SLC39A9: variants seen among roughly 807,000 people sequenced by gnomAD.
SLC39A9 encodes the protein solute carrier family 39 member 9.
Under a neutral mutation model 28.4 loss-of-function variants are expected in SLC39A9, and 14 were observed. That is an observed-to-expected ratio of 0.49 (90% CI 0.33 to 0.77). The LOEUF is 0.77. Among genes scored for constraint, SLC39A9 ranks in the 30% least tolerant of loss-of-function variants. The probability of loss-of-function intolerance (pLI) is 0.02; values close to 1 mark genes in which losing one functional copy is unlikely to be tolerated. For synonymous variants in SLC39A9, 119 were observed against 149.6 expected, an observed-to-expected ratio of 0.80 and a Z score of 1.49; for missense variants, 283 against 381.1, an observed-to-expected ratio of 0.74 and a Z score of 2.14.
Position 69,459,154 on chromosome 14 carries a change from A to G in SLC39A9, c.*561A>G, listed in dbSNP as rs927228481. On this transcript the variant is annotated 3_prime_UTR_variant, in exon 7 of 7. Transcript: ENST00000336643. ...GGATTAGGGTCAGGAAAATGATAGC[A>G]AGACACATTGAAAGCTCTCTTTATA... is the stretch of plus-strand genomic sequence containing the variant. The G allele has an allele frequency of 3.0e-6, 3 of 985,934 alleles. No individual in the cohort carries two copies. Among genetic ancestry groups the G allele is most frequent in the South Asian group, 4.7e-5 (1 of 21,300 alleles). The allele number at this position is 985,934 out of a possible 1,614,324, so 61.1% of individuals were successfully genotyped here.
rs373609711 is a variant in SLC39A9 at position 69,437,590 on chromosome 14, G to T, written c.206-4479G>T. On this transcript the variant is annotated intron_variant, in intron 2 of 6. Coordinates refer to ENST00000336643, the MANE Select transcript of SLC39A9 (RefSeq NM_018375.5). ...ATACCTCTGTTAAAGAAGTTTTTTT[G>T]TTTGTTTTTTTTTTTTTGAGACGGA... Among the ~76,000 whole-genome samples the T allele has an allele frequency of 3.0e-3, 440 of 146,806 alleles. 3 individuals are homozygous for T. The highest frequency in any genetic ancestry group is 0.01 in the African/African-American group (419 of 40,762).
intron 1 of SLC39A9, among the ~76,000 whole-genome samples, chr14:69,419,050 T>C (rs929713417): frequency 6.6e-6 from 1 of 152,222 alleles, no homozygotes; most frequent in Admixed American, 6.5e-5. Context: ...CTGCTAGCTT[T>C]TGAATGTGTT....
chr14:69,421,333 C>T (rs1251710016), intron 1 of SLC39A9, among the ~76,000 whole-genome samples: 1 of 152,180 alleles, frequency 6.6e-6, no homozygotes, highest in Non-Finnish European at 1.5e-5. Context: ...GCAGAGGCTG[C>T]AGAACAGCAA....
At chr14:69,457,440 A>G (rs2139459772) in intron 6 of SLC39A9, among the ~76,000 whole-genome samples, 1 of 152,126 alleles carries the variant, frequency 6.6e-6, no homozygotes, top group East Asian at 1.9e-4. Flanking sequence ...TGACCTCGTG[A>G]TCCGCCCACC....
chr14:69,427,033 G>A (rs1299659423), intron 2 of SLC39A9, among the ~76,000 whole-genome samples: 1 of 147,108 alleles, frequency 6.8e-6, no homozygotes, highest in Non-Finnish European at 1.5e-5. Flanking sequence ...TTTTCAGACA[G>A]GGACTCACTC....
upstream of SLC39A9, chr14:69,398,517 G>A (rs1594892138): frequency 1.8e-6 from 1 of 555,742 alleles, no homozygotes; most frequent in Non-Finnish European, 3.2e-6. Flanking sequence ...CCGTACTTTC[G>A]TTATTAAACA....
At chr14:69,449,418 A>T (rs1045318574) in intron 3 of SLC39A9, among the ~76,000 whole-genome samples, 1 of 152,144 alleles carries the variant, frequency 6.6e-6, no homozygotes, top group African/African-American at 2.4e-5. Flanking sequence ...TCAGCCCAGG[A>T]GTTTGAGACC....
chr14:69,441,799 T>C (rs779925368), intron 2 of SLC39A9: 62 of 1,147,432 alleles, frequency 5.4e-5, no homozygotes, highest in Non-Finnish European at 6.5e-5. Context: ...ATATGATTGC[T>C]TTCTTGCATG....
intron 3 of SLC39A9, among the ~76,000 whole-genome samples, chr14:69,447,130 T>C (rs1393161076): frequency 6.6e-6 from 1 of 152,106 alleles, no homozygotes; most frequent in Non-Finnish European, 1.5e-5. Context: ...AAATTTTTAT[T>C]TCCTTATTGG....
At chr14:69,411,357 G>A (rs990308619) in intron 1 of SLC39A9, among the ~76,000 whole-genome samples, 1 of 152,136 alleles carries the variant, frequency 6.6e-6, no homozygotes, top group African/African-American at 2.4e-5. Flanking sequence ...TTCAAAGCTT[G>A]TGCTGATGGT....
At position 69,428,868 on chromosome 14, in the gene SLC39A9, G is replaced by A. The variant is rs145403833; in HGVS notation, c.205+4666G>A. The A allele has an allele frequency of 4.6e-3, 708 of 152,272 alleles. 2 individuals carry two copies. The highest frequency in any genetic ancestry group is 7.7e-3 in the Non-Finnish European group (524 of 68,040). The allele number at this position is 152,272 out of a possible 1,614,324, so 9.4% of individuals were successfully genotyped here. ...AGTGCCAATGAACCATAACATCTGC[G>A]TATTATGAGATGCGTATTATGGTTT... On this transcript the variant is annotated intron_variant, in intron 2 of 6. Coordinates refer to ENST00000336643, the MANE Select transcript of SLC39A9 (RefSeq NM_018375.5).
chr14:69,459,813 A>G lies in SLC39A9; in HGVS notation c.*1220A>G. ...CAATTTGCTGCTTACTGCTGGTGTT[A>G]ATATTTGTGTGGGATGAATTCTTAT... is the stretch of plus-strand genomic sequence containing the variant. On this transcript the variant is annotated 3_prime_UTR_variant, in exon 7 of 7. Transcript: ENST00000336643. The G allele has an allele frequency of 1.0e-6, 1 of 985,246 alleles. No individual in the cohort carries two copies. Among genetic ancestry groups the G allele is most frequent in the Non-Finnish European group, 1.2e-6 (1 of 829,922 alleles). The allele number at this position is 985,246 out of a possible 1,614,324, so 61.0% of individuals were successfully genotyped here. A position where few individuals can be genotyped will look rare whatever the true frequency, so the allele number is the denominator to read the frequency against.
intron 2 of SLC39A9, among the ~76,000 whole-genome samples, chr14:69,436,378 A>C (rs1400846108): frequency 3.3e-5 from 5 of 152,124 alleles, no homozygotes; most frequent in African/African-American, 1.2e-4. Flanking sequence ...TTCCCTCGGT[A>C]ATTGGTCAAA....
intron 1 of SLC39A9, among the ~76,000 whole-genome samples, chr14:69,414,153 C>T (rs985988280): frequency 7.9e-5 from 12 of 151,308 alleles, no homozygotes; most frequent in Admixed American, 5.3e-4. Context: ...TAGGTTCAAG[C>T]GATTCTCTCT....
At chr14:69,413,726 A>G (rs879774157) in intron 1 of SLC39A9, among the ~76,000 whole-genome samples, 3 of 152,090 alleles carry the variant, frequency 2.0e-5, no homozygotes, top group Non-Finnish European at 4.4e-5. Context: ...TTTTGGAGAT[A>G]AATTTTTTTA....
At position 69,460,231 on chromosome 14, in the gene SLC39A9, AG is replaced by A. The variant is rs1362140791; in HGVS notation, c.*1639del. The A allele has an allele frequency of 1.0e-6, 1 of 985,582 alleles. No homozygotes were observed. Among genetic ancestry groups the A allele is most frequent in the African/African-American group, 1.7e-5 (1 of 57,250 alleles). The allele number at this position is 985,582 out of a possible 1,614,324, so 61.1% of individuals were successfully genotyped here. Reference sequence around the variant, plus strand: ...AAACGTTTTCTATGACGCATAAGCTAGCATGCCTATGATTTATTTCCTTCAT... The same window carrying A: ...AAACGTTTTCTATGACGCATAAGCTACATGCCTATGATTTATTTCCTTCAT... On this transcript the variant is annotated 3_prime_UTR_variant, in exon 7 of 7. Coordinates refer to ENST00000336643, the MANE Select transcript of SLC39A9 (RefSeq NM_018375.5).
chr14:69,432,220 C>A (rs949583868), intron 2 of SLC39A9, among the ~76,000 whole-genome samples: 3 of 152,126 alleles, frequency 2.0e-5, no homozygotes, highest in Admixed American at 1.3e-4. Context: ...GCCTTGCCAG[C>A]ATGTTGTTTT....
intron 1 of SLC39A9, among the ~76,000 whole-genome samples, chr14:69,401,729 T>C (rs1882645427): frequency 6.6e-6 from 1 of 152,196 alleles, no homozygotes; most frequent in African/African-American, 2.4e-5. Context: ...TCAGATGGTC[T>C]TTTCCAGCTG....
At position 69,461,757 on chromosome 14, in the gene SLC39A9, G is replaced by T; in HGVS notation, c.*3164G>T. ...TATTAAGCCCCTGAAACACATGGTA[G>T]CTAGGGACTGAACACAGGAACCGTA... On this transcript the variant is annotated 3_prime_UTR_variant, in exon 7 of 7. Transcript: ENST00000336643. The T allele has an allele frequency of 6.5e-7, 1 of 1,534,778 alleles. No individual in the cohort carries two copies. Among genetic ancestry groups the T allele is most frequent in the East Asian group, 2.4e-5 (1 of 40,900 alleles).
Sources: gnomAD v4.1 joint callset for allele counts (sites outside exome capture counted in the v4.1 genomes callset) on GRCh38, gnomAD v4.1.1 for gene constraint, MANE v1.5 for transcripts, NCBI Gene and HGNC (gene_info 2026-07-23, HGNC 2026-07-21) for gene names.